Variants in HDGFL3 observed in about 807,000 individuals in gnomAD.
HDGFL3 encodes HDGF like 3.
A neutral mutation model predicts 27.6 loss-of-function variants in HDGFL3; 6 were observed. That is an observed-to-expected ratio of 0.22 (90% CI 0.12 to 0.43). HDGFL3 has a LOEUF of 0.43. HDGFL3 is among the 20% of genes least tolerant of loss of function. HDGFL3 has a pLI of 1.00. For synonymous variants in HDGFL3, 88 were observed against 88.9 expected, an observed-to-expected ratio of 0.99 and a Z score of 0.05; for missense variants, 207 against 250.1, an observed-to-expected ratio of 0.83 and a Z score of 1.16.
At position 83,133,727 on chromosome 15, in the gene HDGFL3, C is replaced by T. The variant is rs2036422411; in HGVS notation, c.*5543G>A. ...AGGTCCTGCCATGAGAGGCCTTGTG[C>T]TGCTGGGAACATCACCCAGGAGAAA... On this transcript the variant is annotated 3_prime_UTR_variant, in exon 6 of 6. Transcript: ENST00000299633. 1.3e-5 allele frequency: 2 copies of T among 152,266 alleles called. No homozygotes were observed. Among genetic ancestry groups the T allele is most frequent in the Non-Finnish European group, 2.9e-5 (2 of 68,060 alleles). 9.4% of individuals were successfully genotyped at this position (152,266 alleles called of 1,614,324 possible). A position where few individuals can be genotyped will look rare whatever the true frequency, so the allele number is the denominator to read the frequency against.
rs1596549133 is a variant in HDGFL3, at chr15:83,151,870, A to C, written c.460-509T>G. Among the ~76,000 whole-genome samples the C allele has an allele frequency of 3.3e-5, 5 of 152,336 alleles. No homozygotes were observed. In the South Asian group the frequency reaches 1.0e-3, roughly 32 times the overall value. ...TGGGATACCCAGAATCATCTTGATA[A>C]AACTGTTTGATATAAACTAATCTTT... On this transcript the variant is annotated intron_variant, in intron 4 of 5. Coordinates refer to ENST00000299633, the MANE Select transcript of HDGFL3 (RefSeq NM_016073.4).
intron 2 of HDGFL3, among the ~76,000 whole-genome samples, chr15:83,162,683 GTC>G: frequency 6.6e-6 from 1 of 152,190 alleles, no homozygotes; most frequent in Non-Finnish European, 1.5e-5. Context: ...ACGAAAAAAA[GTC>G]TGTCTTGAGA....
intron 1 of HDGFL3, among the ~76,000 whole-genome samples, chr15:83,202,778 T>C (rs2037664348): frequency 6.6e-6 from 1 of 152,090 alleles, no homozygotes. Flanking sequence ...TCCAGTGCCT[T>C]CTCCTATTCA....
In HDGFL3 at chr15:83,157,425, T is replaced by C. The variant is rs370356351; in HGVS notation, c.449A>G (p.Tyr150Cys). The C allele has an allele frequency of 6.2e-7, 1 of 1,612,678 alleles. No homozygotes were observed. The highest frequency in any genetic ancestry group is 1.3e-5 in the African/African-American group (1 of 74,912). Reference sequence around the variant, plus strand: ...AAGTTTCTTAGTAACCTTTGAAGTATATGACTTTTTCCGTTTTGAGCCTGC... The same window carrying C: ...AAGTTTCTTAGTAACCTTTGAAGTACATGACTTTTTCCGTTTTGAGCCTGC... ...EKAGSKRKKSYTSKKSSKQSR... is the reference protein window; with the variant it reads ...EKAGSKRKKSCTSKKSSKQSR... Residue 150 changes from tyrosine (Y) to cysteine (C), a missense_variant, in exon 4 of 6, where the codon TAT (tyrosine) becomes TGT (cysteine). Tyr to Cys is a radical substitution (Grantham distance 194, BLOSUM62 -2). Coordinates refer to ENST00000299633, the MANE Select transcript of HDGFL3 (RefSeq NM_016073.4).
chr15:83,118,524 T>C (rs1306114648), intron 3 of HDGFL3, among the ~76,000 whole-genome samples: 1 of 152,202 alleles, frequency 6.6e-6, no homozygotes, highest in Non-Finnish European at 1.5e-5. Flanking sequence ...GGCATGGGTG[T>C]AGAAGCAGAA....
At chr15:83,198,921 G>C (rs1049834527) in intron 1 of HDGFL3, among the ~76,000 whole-genome samples, 1 of 152,076 alleles carries the variant, frequency 6.6e-6, no homozygotes, top group Non-Finnish European at 1.5e-5. Flanking sequence ...GGGGACAAAC[G>C]GATCATATAA....
intron 1 of HDGFL3, among the ~76,000 whole-genome samples, chr15:83,194,365 A>G (rs2037545809): frequency 6.6e-6 from 1 of 152,194 alleles, no homozygotes; most frequent in Non-Finnish European, 1.5e-5. Flanking sequence ...ACTCATAGAG[A>G]CACAAAGTGG....
intron 1 of HDGFL3, among the ~76,000 whole-genome samples, chr15:83,178,713 G>A (rs188170150): frequency 5.8e-4 from 88 of 152,202 alleles, no homozygotes; most frequent in African/African-American, 1.8e-3. Context: ...GTTTCTTTTA[G>A]AAAAATTGGG....
intron 5 of HDGFL3, chr15:83,144,570 G>T (rs1382459361): frequency 2.2e-6 from 1 of 455,780 alleles, no homozygotes; most frequent in Non-Finnish European, 4.4e-6. Flanking sequence ...ATGGGGCAAG[G>T]CATCAGAGGA....
chr15:83,127,640 T>G (rs1328557563), downstream of HDGFL3: 1 of 696,830 alleles, frequency 1.4e-6, no homozygotes, highest in East Asian at 2.8e-5. Flanking sequence ...AAGTACATTT[T>G]ATTTCAATCT....
intron 5 of HDGFL3, chr15:83,144,548 A>G (rs1253717785): frequency 2.2e-6 from 1 of 455,900 alleles, no homozygotes; most frequent in Non-Finnish European, 4.4e-6. Context: ...GAGCTGCCTC[A>G]TGGTGAGATC....
chr15:83,193,431 A>G (rs141204764), intron 1 of HDGFL3, among the ~76,000 whole-genome samples: 1 of 152,318 alleles, frequency 6.6e-6, no homozygotes, highest in Non-Finnish European at 1.5e-5. Flanking sequence ...ACAGAAAATA[A>G]GCATCGGCGA....
chr15:83,131,179 T>A lies in HDGFL3; in HGVS notation c.*8091A>T, dbSNP rs745723677. 6.6e-6 allele frequency: 1 copy of A among 152,130 alleles called. No individual in the cohort carries two copies. Among genetic ancestry groups the A allele is most frequent in the Non-Finnish European group, 1.5e-5 (1 of 68,036 alleles). 9.4% of individuals were successfully genotyped at this position (152,130 alleles called of 1,614,324 possible). On this transcript the variant is annotated 3_prime_UTR_variant, in exon 6 of 6. Coordinates refer to ENST00000299633, the MANE Select transcript of HDGFL3 (RefSeq NM_016073.4). ...CATCTTTGCTTGCTAAAATTGCCAT[T>A]CTTATTTAGAAACCTTATGCATTCA...
At chr15:83,124,953 C>T (rs2035599034), downstream of HDGFL3, among the ~76,000 whole-genome samples, 1 of 152,222 alleles carries the variant, frequency 6.6e-6, no homozygotes, top group African/African-American at 2.4e-5. Context: ...CAACCCCAGC[C>T]TCCTGCTGTC....
intron 1 of HDGFL3, among the ~76,000 whole-genome samples, chr15:83,198,119 G>T (rs1214912241): frequency 1.4e-5 from 2 of 146,670 alleles, no homozygotes; most frequent in Non-Finnish European, 3.0e-5. Context: ...ATTTGCAGTT[G>T]AAAGATTAAA....
chr15:83,118,527 A>C (rs1272744654), intron 3 of HDGFL3, among the ~76,000 whole-genome samples: 2 of 152,166 alleles, frequency 1.3e-5, no homozygotes, highest in African/African-American at 4.8e-5. Context: ...ATGGGTGTAG[A>C]AGCAGAACCT....
At chr15:83,160,301 C>A (rs1233292020) in intron 2 of HDGFL3, among the ~76,000 whole-genome samples, 2 of 152,086 alleles carry the variant, frequency 1.3e-5, no homozygotes, top group Non-Finnish European at 2.9e-5. Flanking sequence ...ATTCTTCTGC[C>A]TCAGCCTCCT....
intron 1 of HDGFL3, among the ~76,000 whole-genome samples, chr15:83,195,955 A>G (rs891846857): frequency 6.6e-6 from 1 of 152,070 alleles, no homozygotes; most frequent in Admixed American, 6.5e-5. Context: ...CTTATGTGCT[A>G]GAAAGTATGA....
chr15:83,140,964 C>A (rs931524657), intron 5 of HDGFL3, among the ~76,000 whole-genome samples: 2 of 152,078 alleles, frequency 1.3e-5, no homozygotes, highest in African/African-American at 2.4e-5. Context: ...AAGGGAGCAC[C>A]AAGAATGTGA....
Sources: allele counts gnomAD v4.1 joint callset (sites outside exome capture counted in the v4.1 genomes callset), GRCh38; gene constraint gnomAD v4.1.1; transcripts MANE v1.5; gene names NCBI Gene and HGNC (gene_info 2026-07-23, HGNC 2026-07-21).